Variants in CERKL observed in about 807,000 individuals in gnomAD.
The protein encoded by CERKL is ceramide kinase-like protein.
A neutral mutation model predicts 63.4 loss-of-function variants in CERKL; 61 were observed. The observed-to-expected ratio is 0.96, with a 90% CI of 0.78 to 1.19. The LOEUF (loss-of-function observed/expected upper bound fraction) is 1.19, where lower values mean the gene tolerates loss of function less well. Among genes scored for constraint, CERKL ranks in the 50% most tolerant of loss-of-function variants. The pLI is 0.00. For synonymous variants in CERKL, 250 were observed against 230.5 expected (o/e 1.08, Z -0.77); for missense variants, 675 against 655.5 (o/e 1.03, Z -0.33).
intron 1 of CERKL, among the ~76,000 whole-genome samples, chr2:181,622,710 T>C (rs1686508521): frequency 6.6e-6 from 1 of 152,228 alleles, no homozygotes; most frequent in Non-Finnish European, 1.5e-5. Flanking sequence ...CTTCTGTATT[T>C]CCCATTTTCT....
At chr2:181,596,984 C>T (rs1349702066) in intron 2 of CERKL, among the ~76,000 whole-genome samples, 1 of 152,078 alleles carries the variant, frequency 6.6e-6, no homozygotes, top group Admixed American at 6.6e-5. Flanking sequence ...TTTATATTTT[C>T]AATTTCTCTT....
chr2:181,622,573 A>G (rs1469181150), intron 1 of CERKL, among the ~76,000 whole-genome samples: 2 of 152,226 alleles, frequency 1.3e-5, no homozygotes, highest in South Asian at 2.1e-4. Context: ...AGTACTCTCC[A>G]TAATGCAAAT....
chr2:181,555,283 G>A (rs1688155067), intron 5 of CERKL, among the ~76,000 whole-genome samples: 1 of 152,012 alleles, frequency 6.6e-6, no homozygotes, highest in South Asian at 2.1e-4. Context: ...CACTTTGCAT[G>A]GAAGGAAATG....
Position 181,637,532 on chromosome 2 carries a change from C to T in CERKL, c.238+19237G>A, listed in dbSNP as rs182894163. On this transcript the variant is annotated intron_variant, in intron 1 of 12. Transcript: ENST00000410087. ...ACATATATTGTACATGTGTTTAAGA[C>T]GGTGGGTACTGTGGGGGTAATGAAA... Among the ~76,000 whole-genome samples, 18 of 151,922 alleles carry T rather than the reference C, an allele frequency of 1.2e-4. No individual in the cohort carries two copies. In the East Asian group the frequency reaches 3.1e-3, roughly 26 times the overall value.
At chr2:181,638,041 T>C (rs1263943234) in intron 1 of CERKL, among the ~76,000 whole-genome samples, 2 of 152,172 alleles carry the variant, frequency 1.3e-5, no homozygotes, top group Non-Finnish European at 2.9e-5. Context: ...GATGTTGTTA[T>C]AGTTAGGAAT....
chr2:181,566,201 AAT>A (rs1412151251), intron 3 of CERKL, 80 bp from the exon 4 acceptor site: 72 of 1,011,088 alleles, frequency 7.1e-5, no homozygotes, highest in Non-Finnish European at 1.1e-4. Flanking sequence ...CTGGCAAAAT[AAT>A]ATGATAAACA....
At chr2:181,555,385 TC>T (rs2105814636) in intron 5 of CERKL, among the ~76,000 whole-genome samples, 1 of 152,306 alleles carries the variant, frequency 6.6e-6, no homozygotes, top group East Asian at 1.9e-4. Flanking sequence ...CCAAAATGCA[TC>T]ATTTTTCTCT....
At chr2:181,616,967 TATA>T (rs1204745095) in intron 1 of CERKL, among the ~76,000 whole-genome samples, 1 of 152,224 alleles carries the variant, frequency 6.6e-6, no homozygotes, top group African/African-American at 2.4e-5. Flanking sequence ...AAACGATTTT[TATA>T]ATAATACTAA....
intron 2 of CERKL, among the ~76,000 whole-genome samples, chr2:181,587,664 T>A (rs1684822431): frequency 6.6e-6 from 1 of 152,150 alleles, no homozygotes; most frequent in Non-Finnish European, 1.5e-5. Flanking sequence ...AGCATTTAAA[T>A]ACAATTAACC....
At chr2:181,580,534 G>GA (rs2105858617) in intron 2 of CERKL, among the ~76,000 whole-genome samples, 1 of 152,152 alleles carries the variant, frequency 6.6e-6, no homozygotes, top group Admixed American at 6.5e-5. Flanking sequence ...AGTTCCACCA[G>GA]AAAAATTTGA....
chr2:181,590,103 T>G (rs1684929950), intron 2 of CERKL, among the ~76,000 whole-genome samples: 1 of 152,152 alleles, frequency 6.6e-6, no homozygotes, highest in East Asian at 1.9e-4. Context: ...ATTACAGGAA[T>G]GAGCCACTGC....
intron 1 of CERKL, among the ~76,000 whole-genome samples, chr2:181,606,552 G>GGGGA (rs1685726748): frequency 1.3e-5 from 1 of 76,004 alleles, no homozygotes; most frequent in Non-Finnish European, 2.6e-5. Context: ...AGGGGAGGGG[G>GGGGA]GAGGAGAGGG....
chr2:181,568,023 A>G (rs1008089060), intron 3 of CERKL, among the ~76,000 whole-genome samples: 1 of 152,116 alleles, frequency 6.6e-6, no homozygotes, highest in East Asian at 1.9e-4. Context: ...TAAATAGGAG[A>G]TGTGAAGCCT....
intron 1 of CERKL, among the ~76,000 whole-genome samples, chr2:181,617,830 T>C (rs1221931407): frequency 6.6e-6 from 1 of 152,238 alleles, no homozygotes; most frequent in Non-Finnish European, 1.5e-5. Flanking sequence ...TGATAAGTTT[T>C]GCTATAGTAT....
At chr2:181,586,461 T>C (rs943140332) in intron 2 of CERKL, among the ~76,000 whole-genome samples, 14 of 152,078 alleles carry the variant, frequency 9.2e-5, no homozygotes, top group Non-Finnish European at 1.5e-5. Context: ...AAAGATGAAT[T>C]TCAAAGTGGT....
At chr2:181,573,432 C>T (rs1688992816) in intron 3 of CERKL, among the ~76,000 whole-genome samples, 4 of 152,140 alleles carry the variant, frequency 2.6e-5, no homozygotes, top group Admixed American at 2.6e-4. Context: ...TCTTGCCTAA[C>T]TGCAAAATTA....
rs12997453 is a variant in CERKL at position 181,548,532 on chromosome 2, A to G, written c.1133+13T>C. On this transcript the variant is annotated intron_variant, in intron 8 of 12. Transcript: ENST00000410087. ...GATACAGGTTATCTGTATTACATTGAGTTTTTACCTACCTTTCTTGCACAT... is the reference window on the plus strand; with the variant it reads ...GATACAGGTTATCTGTATTACATTGGGTTTTTACCTACCTTTCTTGCACAT... 0.59 allele frequency: 924,211 copies of G among 1,568,092 alleles called. 276,784 individuals carry two copies. The highest frequency in any genetic ancestry group is 0.84 in the South Asian group (75,006 of 89,720).
chr2:181,593,867 T>TAAAA lies in CERKL; in HGVS notation c.481+9966_481+9969dup, dbSNP rs780308862. Reference sequence around the variant, plus strand: ...ACCCTGCCTTTCCAGAAAACACTACTAAAAAAAAAAAAAAAAAGAATGTAT... The same window carrying TAAAA: ...ACCCTGCCTTTCCAGAAAACACTACTAAAAAAAAAAAAAAAAAAAAAGAATGTAT... On this transcript the variant is annotated intron_variant, in intron 2 of 12. Coordinates refer to ENST00000410087, the MANE Select transcript of CERKL (RefSeq NM_201548.5). Among the ~76,000 whole-genome samples the TAAAA allele has an allele frequency of 1.4e-3, 164 of 118,142 alleles. 1 individual carries two copies. The highest frequency in any genetic ancestry group is 4.2e-3 in the African/African-American group (152 of 36,106). The allele number at this position is 118,142 out of a possible 152,430, so 77.5% of individuals were successfully genotyped here.
chr2:181,649,053 GA>G (rs1318328325), intron 1 of CERKL, among the ~76,000 whole-genome samples: 2 of 152,018 alleles, frequency 1.3e-5, no homozygotes, highest in Admixed American at 1.3e-4. Context: ...CAAAATGGGA[GA>G]AATAAGTTCT....
Sources: allele counts gnomAD v4.1 joint callset (sites outside exome capture counted in the v4.1 genomes callset), GRCh38; gene constraint gnomAD v4.1.1; transcripts MANE v1.5; gene names NCBI Gene and HGNC (gene_info 2026-07-23, HGNC 2026-07-21).